Variants in MMP28 observed in about 807,000 individuals in gnomAD.
MMP28 encodes matrix metallopeptidase 28.
A neutral mutation model predicts 60.5 loss-of-function variants in MMP28; 55 were observed. That is an observed-to-expected ratio of 0.91 (90% CI 0.73 to 1.14). The LOEUF (loss-of-function observed/expected upper bound fraction) is 1.14, where lower values mean the gene tolerates loss of function less well. Among genes scored for constraint, MMP28 ranks in the 50% most tolerant of loss-of-function variants. MMP28 has a pLI of 0.00. For synonymous variants in MMP28, 318 were observed against 312.5 expected, an observed-to-expected ratio of 1.02 and a Z score of -0.18; for missense variants, 686 against 738.3, an observed-to-expected ratio of 0.93 and a Z score of 0.82.
intron 3 of MMP28, among the ~76,000 whole-genome samples, chr17:35,777,350 C>T (rs1051848712): frequency 6.6e-6 from 1 of 152,232 alleles, no homozygotes; most frequent in African/African-American, 2.4e-5. Context: ...CCAAGGGCAT[C>T]CTGACTCCGG....
At chr17:35,785,850 T>G (rs1280752479) in intron 1 of MMP28, among the ~76,000 whole-genome samples, 2 of 152,236 alleles carry the variant, frequency 1.3e-5, no homozygotes, top group Non-Finnish European at 2.9e-5. Context: ...CAAAGTTACT[T>G]AACCTTTCTG....
rs185096636 is a variant in MMP28, at chr17:35,757,965, C to G, written c.266-1546G>C. 8 of 152,226 alleles carry G rather than the reference C, an allele frequency of 5.3e-5. No individual in the cohort carries two copies. In the East Asian group the frequency reaches 5.8e-4, roughly 11 times the overall value. 9.4% of individuals were successfully genotyped at this position (152,226 alleles called of 1,614,324 possible). On this transcript the variant is annotated intron_variant, in intron 2 of 2. Coordinates refer to the MMP28 transcript ENST00000615317. ...CTGTGCCCCGCTTAGATATTATTTT[C>G]TCTTAAGTTATATTTATGGCCCAGG...
At position 35,766,704 on chromosome 17, in the gene MMP28, G is replaced by A. The variant is rs753559326; in HGVS notation, c.1359C>T (p.Pro453=). 3.7e-6 allele frequency: 6 copies of A among 1,604,826 alleles called. No homozygotes were observed. In the Admixed American group the frequency reaches 6.8e-5, roughly 18 times the overall value. ...TGCCTCCCCAGTCCTGCAGACTTCG[G>A]GGGTAGTAGGGCTCCACTTGCAGTC... ...RGGLQVEPYY[P]RSLQDWGGIP... is the part of the protein sequence containing the mutation. Residue 453 remains proline (P), a synonymous_variant, in exon 8 of 8, where the codon CCC becomes CCT. Coordinates refer to ENST00000605424, the MANE Select transcript of MMP28 (RefSeq NM_024302.5). This position sits in a 1 kb window ranked among gnomAD's most constrained non-coding sequence, Gnocchi z 4.3.
rs370806648 is a variant in MMP28 at position 35,770,222 on chromosome 17, C to T, written c.695G>A (p.Arg232His). ...GTGCGCCAGCACCACGAACAGGTTGCGCCCGCGGCGGCGGCTCAGGGACCA... is the reference window on the plus strand; with the variant it reads ...GTGCGCCAGCACCACGAACAGGTTGTGCCCGCGGCGGCGGCTCAGGGACCA... Reference protein sequence around the residue: ...ERWSLSRRRGRNLFVVLAHEI... With the variant: ...ERWSLSRRRGHNLFVVLAHEI... The change falls in exon 5 of 8, where the codon CGC (arginine) becomes CAC (histidine). Residue 232 changes from arginine to histidine, a missense_variant. Arg to His is a conservative substitution (Grantham distance 29, BLOSUM62 0). Coordinates refer to ENST00000605424, the MANE Select transcript of MMP28 (RefSeq NM_024302.5). The T allele has an allele frequency of 6.3e-7, 1 of 1,597,078 alleles. No homozygotes were observed. The highest frequency in any genetic ancestry group is 8.5e-7 in the Non-Finnish European group (1 of 1,176,570).
chr17:35,773,995 T>C (rs1437621886), intron 3 of MMP28, among the ~76,000 whole-genome samples: 2 of 152,196 alleles, frequency 1.3e-5, no homozygotes, highest in Non-Finnish European at 2.9e-5. Context: ...TTCATTTGAG[T>C]TTCTTTCCTG....
At chr17:35,758,563 A>T (rs2085766089) in intron 2 of MMP28, among the ~76,000 whole-genome samples, 1 of 152,108 alleles carries the variant, frequency 6.6e-6, no homozygotes. Context: ...ATGGTGGCAC[A>T]CACCTGTAAT....
At chr17:35,764,534 T>G, downstream of MMP28, 1 of 1,596,192 alleles carries the variant, frequency 6.3e-7, no homozygotes, top group East Asian at 2.3e-5. Context: ...AATGCAGGAG[T>G]CTGCACAGCC....
At chr17:35,782,892 T>C (rs541989515) in intron 1 of MMP28, among the ~76,000 whole-genome samples, 1 of 152,150 alleles carries the variant, frequency 6.6e-6, no homozygotes, top group South Asian at 2.1e-4. Context: ...AGTGGCGCCA[T>C]CTCAGCTCAC....
downstream of MMP28, among the ~76,000 whole-genome samples, chr17:35,765,470 G>C (rs2085915691): frequency 6.6e-6 from 1 of 152,226 alleles, no homozygotes; most frequent in African/African-American, 2.4e-5. Flanking sequence ...TCCTTCTCCA[G>C]GAATCCCAGC....
Position 35,766,126 on chromosome 17 carries a change from G to T in MMP28, c.*374C>A, listed in dbSNP as rs988360433. On this transcript the variant is annotated 3_prime_UTR_variant, in exon 8 of 8. Coordinates refer to ENST00000605424, the MANE Select transcript of MMP28 (RefSeq NM_024302.5). This position sits in a 1 kb window ranked among gnomAD's most constrained non-coding sequence, Gnocchi z 4.3. ...GGGCACAGTCTTGCAAAATGGTCTCGAATTTCTCTGCTGAGTTTTTCATCC... is the reference window on the plus strand; with the variant it reads ...GGGCACAGTCTTGCAAAATGGTCTCTAATTTCTCTGCTGAGTTTTTCATCC... 2.9e-6 allele frequency: 3 copies of T among 1,021,836 alleles called. No homozygotes were observed. Among genetic ancestry groups the T allele is most frequent in the African/African-American group, 3.4e-5 (2 of 58,624 alleles). 63.3% of individuals were successfully genotyped at this position (1,021,836 alleles called of 1,614,324 possible). A position where few individuals can be genotyped will look rare whatever the true frequency, so the allele number is the denominator to read the frequency against.
chr17:35,779,068 G>A lies in MMP28; in HGVS notation c.199C>T (p.Gln67Ter). 6.2e-7 allele frequency: 1 copy of A among 1,613,854 alleles called. No homozygotes were observed. The highest frequency in any genetic ancestry group is 8.5e-7 in the Non-Finnish European group (1 of 1,179,808). The change falls in exon 3 of 8, where the codon CAG becomes TAG. Residue 67 changes from glutamine to a stop codon, truncating the protein, a stop_gained. Coordinates refer to ENST00000605424, the MANE Select transcript of MMP28 (RefSeq NM_024302.5). LOFTEE classifies it high-confidence loss of function. ...CTGACAGGTAGCTGGGACACCCACT[G>A]AAACGCTCTGTCAGGAGGAAAGGAC... ...TRFSDAIRAF[Q>*]WVSQLPVSGV...
chr17:35,774,918 C>T (rs1343256969), intron 3 of MMP28, among the ~76,000 whole-genome samples: 1 of 152,236 alleles, frequency 6.6e-6, no homozygotes, highest in African/African-American at 2.4e-5. Context: ...GGCTCTTTCA[C>T]GCCCTTGCTG....
At position 35,786,699 on chromosome 17, in the gene MMP28, C is replaced by CAAAAAAAAAAAAAAAAAAAAAA. The variant is rs200165337; in HGVS notation, c.112-7377_112-7376insTTTTTTTTTTTTTTTTTTTTTT. On this transcript the variant is annotated intron_variant, in intron 1 of 7. Coordinates refer to ENST00000605424, the MANE Select transcript of MMP28 (RefSeq NM_024302.5). ...GCCTCATAGTGAGATCCTGTCTCTA[C>CAAAAAAAAAAAAAAAAAAAAAA]AAAAAAAAAAAAAAAAGATGAATGA... is the stretch of plus-strand genomic sequence containing the variant. 3.3e-3 allele frequency among the ~76,000 whole-genome samples: 231 copies of CAAAAAAAAAAAAAAAAAAAAAA among 70,982 alleles called. 22 individuals are homozygous for CAAAAAAAAAAAAAAAAAAAAAA. The highest frequency in any genetic ancestry group is 0.014 in the African/African-American group (214 of 15,688). The allele number at this position is 70,982 out of a possible 152,430, so 46.6% of individuals were successfully genotyped here.
chr17:35,768,864 A>C (rs1320957429), intron 5 of MMP28, among the ~76,000 whole-genome samples: 1 of 152,166 alleles, frequency 6.6e-6, no homozygotes, highest in African/African-American at 2.4e-5. Flanking sequence ...ATCAAACTAA[A>C]CTCAGGAATC....
At chr17:35,792,395 A>G (rs2086839877) in intron 1 of MMP28, among the ~76,000 whole-genome samples, 1 of 152,216 alleles carries the variant, frequency 6.6e-6, no homozygotes, top group African/African-American at 2.4e-5. Flanking sequence ...GGATAGGTCC[A>G]TGTGAAAAAT....
chr17:35,791,399 A>G (rs1394427486), intron 1 of MMP28, among the ~76,000 whole-genome samples: 1 of 152,064 alleles, frequency 6.6e-6, no homozygotes, highest in Non-Finnish European at 1.5e-5. Flanking sequence ...TTAGTTGGGC[A>G]TGGTGGTGCG....
chr17:35,773,420 C>T lies in MMP28; in HGVS notation c.380-16G>A. ...CATTTGTTACCTGCCACCCAGAAAGCCCACGTCAGTCACACCTGCTGCAGA... is the reference window on the plus strand; with the variant it reads ...CATTTGTTACCTGCCACCCAGAAAGTCCACGTCAGTCACACCTGCTGCAGA... On this transcript the variant is annotated splice_polypyrimidine_tract_variant and intron_variant, in intron 3 of 7. Transcript: ENST00000605424. 2 of 1,567,358 alleles carry T rather than the reference C, an allele frequency of 1.3e-6. No homozygotes were observed. The highest frequency in any genetic ancestry group is 1.7e-6 in the Non-Finnish European group (2 of 1,155,072).
chr17:35,767,738 C>T lies in MMP28; in HGVS notation c.1168+14G>A. The T allele has an allele frequency of 6.4e-7, 1 of 1,552,194 alleles. No homozygotes were observed. Among genetic ancestry groups the T allele is most frequent in the Non-Finnish European group, 8.7e-7 (1 of 1,147,630 alleles). ...TCTAGGGCTCAGTTTTCCCCGCTGC[C>T]CCAGAGCCAGTACCTTTGAAGAAGT... On this transcript the variant is annotated intron_variant, in intron 7 of 7. Coordinates refer to ENST00000605424, the MANE Select transcript of MMP28 (RefSeq NM_024302.5).
At chr17:35,762,500 A>T (rs2085840654), downstream of MMP28, among the ~76,000 whole-genome samples, 1 of 152,136 alleles carries the variant, frequency 6.6e-6, no homozygotes, top group African/African-American at 2.4e-5. Context: ...TGCTGGGGCT[A>T]CTGCTTGTAG....
Sources: allele counts gnomAD v4.1 joint callset (sites outside exome capture counted in the v4.1 genomes callset), GRCh38; gene constraint gnomAD v4.1.1; non-coding constraint Gnocchi (gnomAD v3.1); transcripts MANE v1.5; gene names NCBI Gene and HGNC (gene_info 2026-07-23, HGNC 2026-07-21).